Variants in LRRC53 observed in about 807,000 individuals in gnomAD.
LRRC53 encodes leucine rich repeat containing 53, also known as leucine-rich repeat-containing protein 53.
LRRC53 carries 25 observed loss-of-function variants against 13.6 expected under a neutral mutation model. That is an observed-to-expected ratio of 1.83 (90% CI 1.34 to 2.56). LRRC53 has a LOEUF of 2.56. Ranked by LOEUF, LRRC53 falls within the 30% of genes most tolerant of loss-of-function variation. The pLI is 0.00. For synonymous variants in LRRC53, 204 were observed against 109.8 expected, an observed-to-expected ratio of 1.86 and a Z score of -5.37; for missense variants, 527 against 275.8, an observed-to-expected ratio of 1.91 and a Z score of -6.45.
intron 1 of LRRC53, among the ~76,000 whole-genome samples, chr1:74,511,183 C>T (rs1570722902): frequency 7.2e-6 from 1 of 139,074 alleles, no homozygotes; most frequent in African/African-American, 2.8e-5. Context: ...CGTGAGCTAC[C>T]GTGCCCGGCC....
chr1:74,518,677 A>G, the LRRC53 span, among the ~76,000 whole-genome samples: 2 of 152,060 alleles, frequency 1.3e-5, no homozygotes, highest in South Asian at 2.1e-4. Context: ...TTTCAAAACA[A>G]TATCTGTTTT....
chr1:74,495,456 T>C (rs1180453628), intron 1 of LRRC53, among the ~76,000 whole-genome samples: 1 of 152,166 alleles, frequency 6.6e-6, no homozygotes, highest in East Asian at 1.9e-4. Flanking sequence ...AAAAATTGGA[T>C]AAATTGGCTC....
At chr1:74,481,031 T>A (rs983513748) in intron 2 of LRRC53, 63 bp from the exon 3 acceptor site, 4 of 638,810 alleles carry the variant, frequency 6.3e-6, no homozygotes, top group African/African-American at 1.8e-5. Flanking sequence ...GGGGGTATGG[T>A]GGAGAGCAGA....
rs530198674 is a variant in LRRC53 at position 74,471,044 on chromosome 1, C to T, written c.2578G>A (p.Glu860Lys). Residue 860 changes from glutamate (E) to lysine (K), a missense_variant, in exon 5 of 5, where the codon GAG (glutamate) becomes AAG (lysine). Glu to Lys is a moderately conservative substitution (Grantham distance 56, BLOSUM62 1). Coordinates refer to ENST00000294635, the MANE Select transcript of LRRC53 (RefSeq NM_001382280.1). ...HRHSHSQFST[E>K]QMEDATQLES... ...AGCTGAGTTGCATCTTCCATTTGCT[C>T]AGTTGAGAATTGAGAATGTGAGTGC... 13 of 400,650 alleles carry T rather than the reference C, an allele frequency of 3.2e-5. No homozygotes were observed. The highest frequency in any genetic ancestry group is 4.4e-5 in the Non-Finnish European group (10 of 226,174). 24.8% of individuals were successfully genotyped at this position (400,650 alleles called of 1,614,324 possible).
chr1:74,471,184 T>A lies in LRRC53; in HGVS notation c.2438A>T (p.Asn813Ile). ...TKRAPLLSAN[N>I]LRVVNQSSIE... ...AGAGCTCTGGTTGACTACACGCAAG[T>A]TGTTAGCACTGAGCAGGGGGGCACG... Residue 813 changes from asparagine (N) to isoleucine (I), a missense_variant, in exon 5 of 5, where the codon AAC becomes ATC. Asn to Ile is a moderately radical substitution (Grantham distance 149). Transcript: ENST00000294635. 2.5e-6 allele frequency: 1 copy of A among 400,676 alleles called. No homozygotes were observed. Among genetic ancestry groups the A allele is most frequent in the Non-Finnish European group, 4.4e-6 (1 of 226,170 alleles). The allele number at this position is 400,676 out of a possible 1,614,324, so 24.8% of individuals were successfully genotyped here.
intron 4 of LRRC53, among the ~76,000 whole-genome samples, chr1:74,474,021 T>C (rs1044178515): frequency 3.3e-5 from 5 of 152,172 alleles, no homozygotes; most frequent in African/African-American, 1.2e-4. Flanking sequence ...CTGCCCTCTC[T>C]AGTTCTGGTA....
At chr1:74,485,683 A>G (rs1668721905) in intron 1 of LRRC53, among the ~76,000 whole-genome samples, 1 of 152,210 alleles carries the variant, frequency 6.6e-6, no homozygotes, top group Non-Finnish European at 1.5e-5. Context: ...CTTCAAAAGC[A>G]GAATAAGTTT....
intron 4 of LRRC53, among the ~76,000 whole-genome samples, chr1:74,473,426 C>T (rs2100742613): frequency 6.6e-6 from 1 of 152,152 alleles, no homozygotes; most frequent in Admixed American, 6.5e-5. Flanking sequence ...GAAATTTTTT[C>T]ATCCAGAGGA....
In LRRC53 at chr1:74,469,966, A is replaced by C. The variant is rs1667844575; in HGVS notation, c.3656T>G (p.Ile1219Arg). 2.5e-6 allele frequency: 1 copy of C among 400,694 alleles called. No homozygotes were observed. Among genetic ancestry groups the C allele is most frequent in the East Asian group, 3.6e-5 (1 of 28,058 alleles). 24.8% of individuals were successfully genotyped at this position (400,694 alleles called of 1,614,324 possible). The change falls in exon 5 of 5, where the codon ATA (isoleucine) becomes AGA (arginine). Residue 1219 changes from isoleucine (I) to arginine (R), a missense_variant. Ile to Arg is a moderately conservative substitution (Grantham distance 97). Coordinates refer to ENST00000294635, the MANE Select transcript of LRRC53 (RefSeq NM_001382280.1). ...TGGAGCAGAGTTTTCAGCTTCATTTATTCTGCTAGGAACTAAAAACACCTC... is the reference window on the plus strand; with the variant it reads ...TGGAGCAGAGTTTTCAGCTTCATTTCTTCTGCTAGGAACTAAAAACACCTC... ...ENEVFLVPSR[I>R]NEAENSAPKP... is the part of the protein sequence containing the mutation.
Position 74,494,187 on chromosome 1 carries a change from C to A in LRRC53, c.-26-10812G>T, listed in dbSNP as rs151219191. The stretch of plus-strand genomic sequence containing the variant: ...TACACATGCACACTCACACCCACAC[C>A]TGCATATACATACACACTCATACAC... On this transcript the variant is annotated intron_variant, in intron 1 of 4. Transcript: ENST00000294635. Among the ~76,000 whole-genome samples, 249 of 152,284 alleles carry A rather than the reference C, an allele frequency of 1.6e-3. 3 individuals are homozygous for A. The East Asian group carries it at 0.045, about 28-fold the overall frequency.
At chr1:74,496,893 C>A (rs947172381) in intron 1 of LRRC53, among the ~76,000 whole-genome samples, 1 of 152,106 alleles carries the variant, frequency 6.6e-6, no homozygotes, top group South Asian at 2.1e-4. Context: ...TGATACACAA[C>A]CTTTCAGATG....
intron 1 of LRRC53, among the ~76,000 whole-genome samples, chr1:74,488,122 T>A (rs1462606121): frequency 6.6e-6 from 1 of 152,136 alleles, no homozygotes; most frequent in Non-Finnish European, 1.5e-5. Context: ...TAAGCCAGTT[T>A]TTAAAATCCC....
intron 1 of LRRC53, among the ~76,000 whole-genome samples, chr1:74,490,672 A>T (rs1042759920): frequency 2.0e-5 from 3 of 152,194 alleles, no homozygotes; most frequent in African/African-American, 7.2e-5. Context: ...GTTTCATAAG[A>T]CCTTATCCTC....
the LRRC53 span, among the ~76,000 whole-genome samples, chr1:74,528,693 G>A: frequency 6.6e-6 from 1 of 152,242 alleles, no homozygotes; most frequent in African/African-American, 2.4e-5. Context: ...TGCTTTGACA[G>A]AGCAAAGTCT....
At chr1:74,513,922 C>T (rs968147273), upstream of LRRC53, among the ~76,000 whole-genome samples, 2 of 152,144 alleles carry the variant, frequency 1.3e-5, no homozygotes, top group Non-Finnish European at 2.9e-5. Context: ...GCTGACAGAC[C>T]TTTGTTTTTC....
chr1:74,536,293 G>C, the LRRC53 span, among the ~76,000 whole-genome samples: 1 of 152,130 alleles, frequency 6.6e-6, no homozygotes, highest in Non-Finnish European at 1.5e-5. Flanking sequence ...AAACAGGCTA[G>C]TTTGTTCTGA....
chr1:74,478,362 C>T (rs1668307939), intron 3 of LRRC53, among the ~76,000 whole-genome samples: 1 of 152,138 alleles, frequency 6.6e-6, no homozygotes, highest in Admixed American at 6.6e-5. Context: ...AGCTCCCAGT[C>T]ATTTTGACAA....
intron 1 of LRRC53, among the ~76,000 whole-genome samples, chr1:74,494,062 T>C (rs1358950481): frequency 2.0e-5 from 3 of 152,142 alleles, no homozygotes; most frequent in Non-Finnish European, 4.4e-5. Context: ...ATAGATACCC[T>C]GAAGAGTGCA....
intron 1 of LRRC53, among the ~76,000 whole-genome samples, chr1:74,500,383 C>A (rs886583673): frequency 6.6e-6 from 1 of 151,474 alleles, no homozygotes; most frequent in African/African-American, 2.4e-5. Flanking sequence ...GGGCGGATCA[C>A]GAGGTCAGGA....
Sources: allele counts gnomAD v4.1 joint callset (sites outside exome capture counted in the v4.1 genomes callset), GRCh38; gene constraint gnomAD v4.1.1; transcripts MANE v1.5; gene names NCBI Gene and HGNC (gene_info 2026-07-23, HGNC 2026-07-21).